Variants in ARHGAP6 observed in about 807,000 individuals in gnomAD.
ARHGAP6 encodes rho GTPase-activating protein 6.
In ARHGAP6, 16 loss-of-function variants were observed where a neutral mutation model predicts 55.7. The observed-to-expected ratio is 0.29, with a 90% CI of 0.19 to 0.44. The LOEUF is 0.44. Among genes scored for constraint, ARHGAP6 ranks in the 20% least tolerant of loss-of-function variants. The probability of loss-of-function intolerance (pLI) is 1.00; values close to 1 mark genes in which losing one functional copy is unlikely to be tolerated. For synonymous variants in ARHGAP6, 382 were observed against 360.9 expected (o/e 1.06, Z -0.66); for missense variants, 698 against 808.9 (o/e 0.86, Z 1.66).
intron 1 of ARHGAP6, among the ~76,000 whole-genome samples, chrX:11,624,308 G>A (rs1301520035): frequency 8.9e-6 from 1 of 112,473 alleles, no homozygotes; most frequent in Non-Finnish European, 1.9e-5. Context: ...TCAGGACACT[G>A]GTCTGGGCAA....
chrX:11,434,387 T>C (rs996454904), intron 1 of ARHGAP6, among the ~76,000 whole-genome samples: 2 of 111,547 alleles, frequency 1.8e-5, no homozygotes, highest in African/African-American at 6.5e-5. Flanking sequence ...TCTCCACCCA[T>C]CGTTGAAGAC....
intron 1 of ARHGAP6, among the ~76,000 whole-genome samples, chrX:11,465,986 T>A (rs1406656304): frequency 9.0e-6 from 1 of 110,729 alleles, no homozygotes; most frequent in African/African-American, 3.3e-5. Flanking sequence ...TTCCTCTTCC[T>A]CCTCCTCCAT....
At chrX:11,227,616 A>T (rs947881551) in intron 2 of ARHGAP6, among the ~76,000 whole-genome samples, 2 of 109,635 alleles carry the variant, frequency 1.8e-5, no homozygotes, top group African/African-American at 6.7e-5. Flanking sequence ...CCCATGTCTC[A>T]GTTCTTAGAT....
intron 1 of ARHGAP6, among the ~76,000 whole-genome samples, chrX:11,325,003 C>G (rs1173582050): frequency 4.5e-5 from 5 of 110,840 alleles, no homozygotes; most frequent in Admixed American, 1.9e-4. Flanking sequence ...GGACTACAGG[C>G]GCCCGCCACC....
chrX:11,619,864 T>C (rs983712017), intron 1 of ARHGAP6, among the ~76,000 whole-genome samples: 1 of 111,818 alleles, frequency 8.9e-6, no homozygotes, highest in Non-Finnish European at 1.9e-5. Flanking sequence ...AGGTTCCAAA[T>C]TGGCTACATT....
Position 11,482,012 on chromosome X carries a change from G to A in ARHGAP6, c.588+182229C>T, listed in dbSNP as rs1428916602. Reference sequence around the variant, plus strand: ...GGGCATTTCCCCCAATTTAGCAGGTGAAACCTGGAAGCTACAGTTGCAGGA... The same window carrying A: ...GGGCATTTCCCCCAATTTAGCAGGTAAAACCTGGAAGCTACAGTTGCAGGA... On this transcript the variant is annotated intron_variant, in intron 1 of 12. Transcript: ENST00000337414. Among the ~76,000 whole-genome samples, 3 of 112,701 alleles carry A rather than the reference G, an allele frequency of 2.7e-5. No individual in the cohort carries two copies. The East Asian group carries it at 8.4e-4, about 32-fold the overall frequency.
intron 1 of ARHGAP6, among the ~76,000 whole-genome samples, chrX:11,269,538 T>A (rs2047668524): frequency 8.9e-6 from 1 of 111,997 alleles, no homozygotes; most frequent in Admixed American, 9.5e-5. Context: ...ATTATATTCA[T>A]TACTGATAAA....
intron 1 of ARHGAP6, among the ~76,000 whole-genome samples, chrX:11,275,852 T>A (rs1053616005): frequency 9.0e-6 from 1 of 111,601 alleles, no homozygotes; most frequent in African/African-American, 3.3e-5. Flanking sequence ...ACTCACCCTG[T>A]AATGCTTACT....
At chrX:11,205,303 G>A (rs2046690086) in intron 2 of ARHGAP6, among the ~76,000 whole-genome samples, 1 of 111,611 alleles carries the variant, frequency 9.0e-6, no homozygotes, top group Admixed American at 9.5e-5. Context: ...CCTGTACAGT[G>A]TAGGATGCTT....
At chrX:11,350,713 A>T (rs1178545923) in intron 1 of ARHGAP6, among the ~76,000 whole-genome samples, 1 of 112,398 alleles carries the variant, frequency 8.9e-6, no homozygotes, top group African/African-American at 3.2e-5. Context: ...TTAATAAACA[A>T]GTTATTTTCC....
intron 1 of ARHGAP6, among the ~76,000 whole-genome samples, chrX:11,646,909 C>G (rs983241898): frequency 2.7e-5 from 3 of 112,152 alleles, no homozygotes; most frequent in South Asian, 3.7e-4. Flanking sequence ...TTTAAAGGAA[C>G]CTTTATATTT....
intron 2 of ARHGAP6, among the ~76,000 whole-genome samples, chrX:11,213,514 A>G (rs752071574): frequency 1.0e-3 from 117 of 112,588 alleles, no homozygotes; most frequent in Non-Finnish European, 1.7e-3. Flanking sequence ...GGTGCCCAAC[A>G]ACGGATAACT....
At chrX:11,326,666 T>A (rs979508684) in intron 1 of ARHGAP6, among the ~76,000 whole-genome samples, 1 of 111,817 alleles carries the variant, frequency 8.9e-6, no homozygotes, top group Non-Finnish European at 1.9e-5. Flanking sequence ...TCCCTCGATG[T>A]CAAAAGTAAG....
chrX:11,300,720 A>G, intron 1 of ARHGAP6: 3 of 758,270 alleles, frequency 4.0e-6, no homozygotes, highest in Non-Finnish European at 6.0e-6. Context: ...TTCTGTAACT[A>G]AAAAAGTACC....
intron 1 of ARHGAP6, among the ~76,000 whole-genome samples, chrX:11,324,590 T>C (rs1312713190): frequency 1.0e-5 from 1 of 98,633 alleles, no homozygotes; most frequent in Non-Finnish European, 2.1e-5. Flanking sequence ...TTTTGCTTAC[T>C]AATCTTAAAA....
chrX:11,277,941 T>G (rs902755629), intron 1 of ARHGAP6, among the ~76,000 whole-genome samples: 1 of 111,587 alleles, frequency 9.0e-6, no homozygotes, highest in Non-Finnish European at 1.9e-5. Context: ...TTGCTTTAAT[T>G]ACTCTTGTCC....
chrX:11,447,990 GC>G (rs1677129612), intron 1 of ARHGAP6, among the ~76,000 whole-genome samples: 1 of 112,449 alleles, frequency 8.9e-6, no homozygotes, highest in African/African-American at 3.2e-5. Flanking sequence ...CCATTGGACA[GC>G]CTTTATGTTA....
chrX:11,440,822 C>G (rs991135143), intron 1 of ARHGAP6, among the ~76,000 whole-genome samples: 1 of 111,895 alleles, frequency 8.9e-6, no homozygotes, highest in Non-Finnish European at 1.9e-5. Context: ...GGTTACAGCA[C>G]CAGCAAATCA....
At chrX:11,545,125 GA>G (rs1287924896) in intron 1 of ARHGAP6, among the ~76,000 whole-genome samples, 4 of 111,631 alleles carry the variant, frequency 3.6e-5, no homozygotes, top group Non-Finnish European at 7.5e-5. Context: ...ATACAATGAT[GA>G]GGGGCAGGGA....
Sources: allele counts gnomAD v4.1 joint callset (sites outside exome capture counted in the v4.1 genomes callset), GRCh38; gene constraint gnomAD v4.1.1; transcripts MANE v1.5; gene names NCBI Gene and HGNC (gene_info 2026-07-23, HGNC 2026-07-21).